Variants in KIAA0825 observed in about 807,000 individuals in gnomAD.
KIAA0825 encodes KIAA0825, also known as uncharacterized protein KIAA0825.
In KIAA0825, 119 loss-of-function variants were observed where a neutral mutation model predicts 147.6. The observed-to-expected ratio is 0.81, with a 90% confidence interval of 0.69 to 0.94. KIAA0825 has a LOEUF of 0.94. Ranked by LOEUF, KIAA0825 falls within the 40% of genes least tolerant of loss-of-function variation. KIAA0825 has a pLI of 0.00. For missense variants in KIAA0825, 1,381 were observed against 1,472.7 expected, an observed-to-expected ratio of 0.94 and a Z score of 1.02; for synonymous variants, 470 against 518.1, an observed-to-expected ratio of 0.91 and a Z score of 1.26.
In KIAA0825 at chr5:94,453,147, C is replaced by T. The variant is rs190619316; in HGVS notation, c.2247-78G>A. On this transcript the variant is annotated intron_variant, in intron 12 of 20. Coordinates refer to ENST00000682413, the MANE Select transcript of KIAA0825 (RefSeq NM_001145678.3). ...CCATTGAAATAACTTTTGATTTTTACTTAGGATTCAGTTAATGATTTTTTT... is the reference window on the plus strand; with the variant it reads ...CCATTGAAATAACTTTTGATTTTTATTTAGGATTCAGTTAATGATTTTTTT... 3.7e-3 allele frequency: 2,753 copies of T among 747,430 alleles called. 7 individuals carry two copies. The highest frequency in any genetic ancestry group is 4.8e-3 in the Non-Finnish European group (2,235 of 467,222). 46.3% of individuals were successfully genotyped at this position (747,430 alleles called of 1,614,324 possible).
At chr5:94,363,684 G>A (rs1203450623) in intron 20 of KIAA0825, among the ~76,000 whole-genome samples, 2 of 152,006 alleles carry the variant, frequency 1.3e-5, no homozygotes, top group Non-Finnish European at 2.9e-5. Context: ...CCAGATGCAA[G>A]AACCCATCTC....
rs982588678 is a variant in KIAA0825 at position 94,154,099 on chromosome 5, G to A, written c.3736C>T (p.Leu1246=). The A allele has an allele frequency of 4.5e-6, 7 of 1,551,262 alleles. No homozygotes were observed. The highest frequency in any genetic ancestry group is 6.1e-6 in the Non-Finnish European group (7 of 1,146,660). The change falls in exon 21 of 21, where the codon CTA becomes TTA. Residue 1246 remains leucine (L), a synonymous_variant. Transcript: ENST00000682413. ...NRWEMKKDET[L]EEEEKAILEH... ...AGTATTGCTTTTTCTTCCTCTTCTA[G>A]TGTTTCATCCTTCTTCATTTCCCAC...
intron 1 of KIAA0825, chr5:94,592,817 G>T: frequency 2.1e-6 from 1 of 465,716 alleles, no homozygotes; most frequent in South Asian, 2.3e-5. Flanking sequence ...AATATGCTTC[G>T]GCTAAGAGCT....
At chr5:94,288,957 C>G (rs1777768835) in intron 20 of KIAA0825, among the ~76,000 whole-genome samples, 1 of 152,060 alleles carries the variant, frequency 6.6e-6, no homozygotes, top group Admixed American at 6.6e-5. Context: ...TGTGATGGCC[C>G]CCAACGTATG....
chr5:94,211,761 T>C (rs986454547), intron 20 of KIAA0825, among the ~76,000 whole-genome samples: 1 of 152,222 alleles, frequency 6.6e-6, no homozygotes, highest in Non-Finnish European at 1.5e-5. Flanking sequence ...CTGGATGTTA[T>C]CTGCATCTGA....
intron 2 of KIAA0825, among the ~76,000 whole-genome samples, chr5:94,538,749 T>C (rs527761007): frequency 6.6e-6 from 1 of 152,338 alleles, no homozygotes; most frequent in East Asian, 1.9e-4. Context: ...GGTTGTTTTA[T>C]CCAAAAGGTC....
intron 13 of KIAA0825, among the ~76,000 whole-genome samples, chr5:94,451,591 C>T (rs1273974933): frequency 6.6e-6 from 1 of 152,122 alleles, no homozygotes; most frequent in African/African-American, 2.4e-5. Flanking sequence ...AAGAAATGTG[C>T]ATTTTTGCTT....
At chr5:94,447,153 T>C (rs371185359) in intron 13 of KIAA0825, among the ~76,000 whole-genome samples, 2 of 152,104 alleles carry the variant, frequency 1.3e-5, no homozygotes, top group South Asian at 4.1e-4. Context: ...GTCTTTATGA[T>C]TTCCAGGTGT....
At chr5:94,222,094 G>A (rs142200331) in intron 20 of KIAA0825, among the ~76,000 whole-genome samples, 365 of 152,222 alleles carry the variant, frequency 2.4e-3, no homozygotes, top group African/African-American at 8.2e-3. Context: ...AAATATTTCA[G>A]AGTTGAAAGG....
At chr5:94,614,717 T>A (rs1447807909) in intron 1 of KIAA0825, among the ~76,000 whole-genome samples, 1 of 151,904 alleles carries the variant, frequency 6.6e-6, no homozygotes, top group African/African-American at 2.4e-5. Flanking sequence ...AAAAAAAAAA[T>A]CTCTTTTCTT....
chr5:94,475,788 G>A (rs963012173), intron 7 of KIAA0825, among the ~76,000 whole-genome samples: 2 of 152,202 alleles, frequency 1.3e-5, no homozygotes, highest in Non-Finnish European at 2.9e-5. Context: ...CAGCACGGGT[G>A]ACAGAGTGAT....
chr5:94,577,542 T>C (rs1475206110), intron 2 of KIAA0825, among the ~76,000 whole-genome samples: 1 of 152,234 alleles, frequency 6.6e-6, no homozygotes, highest in Non-Finnish European at 1.5e-5. Context: ...TAAACTCTCT[T>C]TGGCAATTGA....
intron 2 of KIAA0825, among the ~76,000 whole-genome samples, chr5:94,547,530 G>A (rs868225117): frequency 3.3e-5 from 5 of 152,018 alleles, no homozygotes; most frequent in Admixed American, 6.5e-5. Flanking sequence ...CAGGTCAGGG[G>A]TTCAAGACCA....
chr5:94,615,858 G>C lies in KIAA0825; in HGVS notation c.-153+2642C>G, dbSNP rs760360474. Among the ~76,000 whole-genome samples, 2 of 152,120 alleles carry C rather than the reference G, an allele frequency of 1.3e-5. 1 individual carries two copies. Among genetic ancestry groups the C allele is most frequent in the South Asian group, 4.2e-4 (2 of 4,812 alleles). ...TTTTTTAGAGACAGGGTCTTACTCTGTTGTGCAGGCTAGAGTGCAGTAGTA... is the reference window on the plus strand; with the variant it reads ...TTTTTTAGAGACAGGGTCTTACTCTCTTGTGCAGGCTAGAGTGCAGTAGTA... On this transcript the variant is annotated intron_variant, in intron 1 of 20. Transcript: ENST00000682413.
At chr5:94,181,817 TAA>T (rs1769643173) in intron 20 of KIAA0825, among the ~76,000 whole-genome samples, 1 of 152,202 alleles carries the variant, frequency 6.6e-6, no homozygotes, top group Admixed American at 6.5e-5. Flanking sequence ...GGAAAAATCC[TAA>T]GAGAGTTTAA....
At chr5:94,493,106 C>T (rs1394884751) in intron 5 of KIAA0825, among the ~76,000 whole-genome samples, 1 of 152,194 alleles carries the variant, frequency 6.6e-6, no homozygotes, top group Non-Finnish European at 1.5e-5. Context: ...CTGAGGCCCT[C>T]TGCCTTGATC....
In KIAA0825 at chr5:94,152,845, AAAAAAAAAAATTATATATAT is replaced by A. The variant is rs1562283969; in HGVS notation, c.*1142_*1161del. The A allele has an allele frequency of 0.01, 361 of 35,394 alleles. 18 individuals carry two copies. The highest frequency in any genetic ancestry group is 0.015 in the Non-Finnish European group (265 of 17,900). 2.2% of individuals were successfully genotyped at this position (35,394 alleles called of 1,614,324 possible). ...TGAAAAAAAAAAAAAAAAAAAAAAA[AAAAAAAAAAATTATATATAT>A]ATATATATATATATATATATATATA... On this transcript the variant is annotated 3_prime_UTR_variant, in exon 21 of 21. Coordinates refer to ENST00000682413, the MANE Select transcript of KIAA0825 (RefSeq NM_001145678.3).
At position 94,617,082 on chromosome 5, in the gene KIAA0825, T is replaced by C. The variant is rs184619369; in HGVS notation, c.-153+1418A>G. 2.9e-3 allele frequency among the ~76,000 whole-genome samples: 448 copies of C among 152,182 alleles called. 2 individuals carry two copies. The highest frequency in any genetic ancestry group is 0.014 in the Admixed American group (214 of 15,294). ...AATAATACAATTTTTGTGATTTTCT[T>C]TTTTTATTAAACATTAAATAAAATA... On this transcript the variant is annotated intron_variant, in intron 1 of 20. Coordinates refer to ENST00000682413, the MANE Select transcript of KIAA0825 (RefSeq NM_001145678.3).
At chr5:94,291,488 C>CAGT (rs1430350660) in intron 20 of KIAA0825, among the ~76,000 whole-genome samples, 3 of 152,106 alleles carry the variant, frequency 2.0e-5, no homozygotes, top group African/African-American at 7.2e-5. Context: ...GTTTTGGAAC[C>CAGT]AGTAGCATGG....
Sources: gnomAD v4.1 joint callset for allele counts (sites outside exome capture counted in the v4.1 genomes callset) on GRCh38, gnomAD v4.1.1 for gene constraint, MANE v1.5 for transcripts, NCBI Gene and HGNC (gene_info 2026-07-23, HGNC 2026-07-21) for gene names.